The following SLC35F4 variants were observed in gnomAD, a reference collection of about 807,000 sequenced individuals.
The protein encoded by SLC35F4 is chromosome 14 open reading frame 36.
In SLC35F4, 24 loss-of-function variants were observed where a neutral mutation model predicts 44.2. That is an observed-to-expected ratio of 0.54 (90% CI 0.39 to 0.76). SLC35F4 has a LOEUF of 0.76. SLC35F4 is among the 30% of genes least tolerant of loss of function. The probability of loss-of-function intolerance (pLI) is 0.00; values close to 1 mark genes in which losing one functional copy is unlikely to be tolerated. For missense variants in SLC35F4, 562 were observed against 586.1 expected (o/e 0.96, Z 0.42); for synonymous variants, 238 against 223.6 (o/e 1.06, Z -0.57).
chr14:57,870,212 C>G (rs574758044), upstream of SLC35F4, among the ~76,000 whole-genome samples: 53 of 151,868 alleles, frequency 3.5e-4, no homozygotes, highest in Non-Finnish European at 5.9e-4. Flanking sequence ...GTCTTTGTCT[C>G]TCTGAGTCTG....
At chr14:57,614,865 G>A (rs1836535952) in intron 1 of SLC35F4, among the ~76,000 whole-genome samples, 1 of 152,198 alleles carries the variant, frequency 6.6e-6, no homozygotes, top group Admixed American at 6.5e-5. Context: ...AAGACAACAT[G>A]TAGGGAGAAA....
intron 1 of SLC35F4, among the ~76,000 whole-genome samples, chr14:57,653,387 A>T (rs951200954): frequency 6.6e-6 from 1 of 152,180 alleles, no homozygotes; most frequent in Non-Finnish European, 1.5e-5. Context: ...GGATATTTCC[A>T]CTGCTAAAGA....
intron 1 of SLC35F4, among the ~76,000 whole-genome samples, chr14:57,645,137 G>GT (rs1240347228): frequency 6.6e-6 from 1 of 152,104 alleles, no homozygotes; most frequent in Non-Finnish European, 1.5e-5. Flanking sequence ...CTTTAAAGTA[G>GT]TTTTTTCCAA....
At chr14:57,786,540 A>C (rs1380505180) in intron 1 of SLC35F4, among the ~76,000 whole-genome samples, 2 of 152,162 alleles carry the variant, frequency 1.3e-5, no homozygotes, top group Non-Finnish European at 2.9e-5. Context: ...TGTCCACAGA[A>C]CAGGTGCAGG....
At position 57,571,929 on chromosome 14, in the gene SLC35F4, C is replaced by T. The variant is rs779353644; in HGVS notation, c.898G>A (p.Ala300Thr). The T allele has an allele frequency of 1.9e-6, 3 of 1,612,732 alleles. No individual in the cohort carries two copies. Among genetic ancestry groups the T allele is most frequent in the Middle Eastern group, 1.7e-4 (1 of 6,054 alleles). Residue 300 changes from alanine to threonine, a missense_variant, in exon 5 of 8, where the codon GCG becomes ACG. Coordinates refer to ENST00000556826, the MANE Select transcript of SLC35F4 (RefSeq NM_001306087.2). Reference protein sequence around the residue: ...HADSIIGVAFAVGSASTSALY... With the variant: ...HADSIIGVAFTVGSASTSALY... ...GCAGATGTAGAGGCTGAGCCCACCGCAAATGCCACTCCTATGATGGAATCA... is the reference window on the plus strand; with the variant it reads ...GCAGATGTAGAGGCTGAGCCCACCGTAAATGCCACTCCTATGATGGAATCA...
intron 1 of SLC35F4, among the ~76,000 whole-genome samples, chr14:57,803,786 C>A (rs1880964050): frequency 6.6e-6 from 1 of 151,834 alleles, no homozygotes. Flanking sequence ...GACAGGGTTT[C>A]ACCACATTGG....
intron 1 of SLC35F4, among the ~76,000 whole-genome samples, chr14:57,673,408 C>T (rs544618834): frequency 2.0e-5 from 3 of 152,222 alleles, no homozygotes; most frequent in South Asian, 4.1e-4. Flanking sequence ...AGTTACTTCA[C>T]CCCTGTGGGT....
At chr14:57,833,813 A>G (rs1884634676) in intron 1 of SLC35F4, among the ~76,000 whole-genome samples, 1 of 152,238 alleles carries the variant, frequency 6.6e-6, no homozygotes, top group Non-Finnish European at 1.5e-5. Flanking sequence ...CATCTCTTGC[A>G]TTTTCATATA....
At chr14:57,781,785 A>G (rs2077627845) in intron 1 of SLC35F4, among the ~76,000 whole-genome samples, 1 of 152,212 alleles carries the variant, frequency 6.6e-6, no homozygotes, top group Non-Finnish European at 1.5e-5. Flanking sequence ...GCTGGAGGCC[A>G]TCATCCTTAG....
At chr14:57,761,167 A>G (rs1433064863) in intron 1 of SLC35F4, among the ~76,000 whole-genome samples, 1 of 152,152 alleles carries the variant, frequency 6.6e-6, no homozygotes, top group African/African-American at 2.4e-5. Flanking sequence ...TCATTGCCTG[A>G]AATTCAATGT....
chr14:57,966,852 A>G (rs183010859), intron 1 of SLC35F4, among the ~76,000 whole-genome samples: 2 of 152,292 alleles, frequency 1.3e-5, no homozygotes, highest in African/African-American at 4.8e-5. Context: ...TCTACTAAAA[A>G]TACAAAAATC....
intron 3 of SLC35F4, among the ~76,000 whole-genome samples, chr14:57,586,115 G>T (rs946001414): frequency 2.0e-5 from 3 of 152,098 alleles, no homozygotes; most frequent in African/African-American, 7.2e-5. Context: ...GCATGATACT[G>T]GTACCAAAAC....
chr14:57,977,438 A>G (rs1296664620), intron 1 of SLC35F4, among the ~76,000 whole-genome samples: 1 of 152,140 alleles, frequency 6.6e-6, no homozygotes, highest in Admixed American at 6.5e-5. Flanking sequence ...CTTCTGTGAC[A>G]AAGAAACGTT....
intron 1 of SLC35F4, among the ~76,000 whole-genome samples, chr14:57,734,240 A>G (rs1364302264): frequency 3.3e-5 from 5 of 152,166 alleles, no homozygotes; most frequent in African/African-American, 9.7e-5. Flanking sequence ...TGGCTTTCCT[A>G]CTTGGTAGTT....
chr14:57,724,117 T>C (rs140520517), intron 1 of SLC35F4, among the ~76,000 whole-genome samples: 2,028 of 152,334 alleles, frequency 0.013, 24 homozygotes, highest in South Asian at 0.058. Flanking sequence ...CTCTGGCCCA[T>C]TTATCAAGTG....
intron 1 of SLC35F4, among the ~76,000 whole-genome samples, chr14:57,730,156 T>A (rs2076309590): frequency 6.6e-6 from 1 of 152,216 alleles, no homozygotes; most frequent in Non-Finnish European, 1.5e-5. Context: ...TTTGGCAATA[T>A]GAAGTAAAAA....
intron 1 of SLC35F4, among the ~76,000 whole-genome samples, chr14:57,691,757 C>A (rs1315475775): frequency 6.6e-6 from 1 of 152,112 alleles, no homozygotes; most frequent in East Asian, 1.9e-4. Context: ...AAAGAAGGCC[C>A]TTCTCTTAAA....
intron 1 of SLC35F4, among the ~76,000 whole-genome samples, chr14:57,735,945 C>T (rs1244049337): frequency 6.6e-6 from 1 of 152,104 alleles, no homozygotes; most frequent in Admixed American, 6.6e-5. Context: ...CTTCTCCTGG[C>T]CTCAAGGGAT....
At chr14:57,807,196 T>C (rs1445400479) in intron 1 of SLC35F4, among the ~76,000 whole-genome samples, 1 of 152,238 alleles carries the variant, frequency 6.6e-6, no homozygotes, top group Non-Finnish European at 1.5e-5. Flanking sequence ...TCAGGCTGAA[T>C]GGAAAAGGTA....
Sources: gnomAD v4.1 joint callset for allele counts (sites outside exome capture counted in the v4.1 genomes callset) on GRCh38, gnomAD v4.1.1 for gene constraint, MANE v1.5 for transcripts, NCBI Gene and HGNC (gene_info 2026-07-23, HGNC 2026-07-21) for gene names.